Variants in SAMD13 observed in about 807,000 individuals in gnomAD.
SAMD13 encodes the protein sterile alpha motif domain containing 13, also known as sterile alpha motif domain-containing protein 13.
Under a neutral mutation model 12.4 loss-of-function variants are expected in SAMD13, and 9 were observed. That is an observed-to-expected ratio of 0.72 (90% confidence interval 0.44 to 1.26). The LOEUF (loss-of-function observed/expected upper bound fraction) is 1.26. SAMD13 is among the 50% of genes most tolerant of loss of function. The pLI, the probability that SAMD13 is intolerant of heterozygous loss-of-function variation, is 0.00. For synonymous variants in SAMD13, 46 were observed against 45.4 expected, an observed-to-expected ratio of 1.01 and a Z score of -0.05; for missense variants, 84 against 119.6, an observed-to-expected ratio of 0.70 and a Z score of 1.39.
intron 2 of SAMD13, among the ~76,000 whole-genome samples, chr1:84,320,875 T>C (rs1165698408): frequency 1.3e-5 from 2 of 152,196 alleles, no homozygotes; most frequent in East Asian, 3.8e-4. Context: ...AGTTGTGATA[T>C]TACATGTGGA....
chr1:84,318,667 C>G (rs1019380398), intron 2 of SAMD13, among the ~76,000 whole-genome samples: 4 of 152,032 alleles, frequency 2.6e-5, no homozygotes, highest in Admixed American at 6.6e-5. Flanking sequence ...TGAATGGTTT[C>G]TTGAATATTG....
At chr1:84,299,742 A>G, upstream of SAMD13, 1 of 559,676 alleles carries the variant, frequency 1.8e-6, no homozygotes, top group Non-Finnish European at 2.5e-6. Context: ...CTAGCTGGTA[A>G]GTGAAACCTG....
At chr1:84,307,359 C>T (rs575037669) in intron 2 of SAMD13, among the ~76,000 whole-genome samples, 1 of 152,298 alleles carries the variant, frequency 6.6e-6, no homozygotes, top group South Asian at 2.1e-4. Context: ...GACAATGTAG[C>T]TTTCATCTCT....
chr1:84,309,648 G>A (rs1291239897), intron 2 of SAMD13, among the ~76,000 whole-genome samples: 1 of 152,108 alleles, frequency 6.6e-6, no homozygotes, highest in Non-Finnish European at 1.5e-5. Flanking sequence ...TGAAATGGAA[G>A]AGTAAGTGAA....
intron 1 of SAMD13, chr1:84,302,537 C>CACAT: frequency 3.7e-6 from 1 of 271,746 alleles, no homozygotes; most frequent in Non-Finnish European, 5.1e-6. Context: ...CTCTTTCTTA[C>CACAT]ACATACACAC....
At position 84,350,439 on chromosome 1, in the gene SAMD13, AC is replaced by A. The variant is rs111484029; in HGVS notation, c.*666del. 609 of 152,502 alleles carry A rather than the reference AC, an allele frequency of 4.0e-3. 1 individual carries two copies. The highest frequency in any genetic ancestry group is 6.8e-3 in the Middle Eastern group (2 of 294). The allele number at this position is 152,502 out of a possible 1,614,324, so 9.4% of individuals were successfully genotyped here. ...ATTCAGCTAGCTTTCAAATGGGGTAACGATATTTTCTGCATAGATTTTCTTT... is the reference window on the plus strand; with the variant it reads ...ATTCAGCTAGCTTTCAAATGGGGTAAGATATTTTCTGCATAGATTTTCTTT... On this transcript the variant is annotated 3_prime_UTR_variant, in exon 4 of 4. Coordinates refer to ENST00000394834, the MANE Select transcript of SAMD13 (RefSeq NM_001134663.2).
At chr1:84,300,402 T>G (rs1678430561), upstream of SAMD13, among the ~76,000 whole-genome samples, 1 of 152,164 alleles carries the variant, frequency 6.6e-6, no homozygotes, top group South Asian at 2.1e-4. Flanking sequence ...AAGAACAAAT[T>G]TTTTGACCTT....
chr1:84,340,278 A>G (rs1679394425), intron 3 of SAMD13, among the ~76,000 whole-genome samples: 1 of 152,254 alleles, frequency 6.6e-6, no homozygotes, highest in African/African-American at 2.4e-5. Flanking sequence ...GATATGTGCT[A>G]CGACATGGAT....
At chr1:84,308,877 CA>C (rs1382572269) in intron 2 of SAMD13, among the ~76,000 whole-genome samples, 4 of 151,892 alleles carry the variant, frequency 2.6e-5, no homozygotes, top group Admixed American at 2.0e-4. Flanking sequence ...ATTTGGAGAC[CA>C]GGGGGAATTA....
intron 3 of SAMD13, among the ~76,000 whole-genome samples, chr1:84,329,925 C>T (rs1238890802): frequency 6.6e-6 from 1 of 152,158 alleles, no homozygotes; most frequent in Non-Finnish European, 1.5e-5. Flanking sequence ...GTACTGCACT[C>T]ATTCAGCTAG....
intron 3 of SAMD13, among the ~76,000 whole-genome samples, chr1:84,341,351 G>A (rs1467262856): frequency 1.3e-5 from 2 of 152,144 alleles, no homozygotes; most frequent in South Asian, 2.1e-4. Context: ...GGACAGCAGT[G>A]AAGGTTAAGA....
intron 2 of SAMD13, chr1:84,304,037 C>A (rs1047852604): frequency 6.6e-6 from 1 of 152,048 alleles, no homozygotes; most frequent in Non-Finnish European, 1.5e-5. Context: ...CTTTCCATAT[C>A]ATTTAGTTTA....
upstream of SAMD13, chr1:84,301,606 G>A (rs1457640431): frequency 1.0e-6 from 1 of 985,340 alleles, no homozygotes; most frequent in Admixed American, 6.1e-5. Flanking sequence ...CCATGAACCA[G>A]AAGGCAGTTG....
chr1:84,306,685 G>A (rs115735212), intron 2 of SAMD13, among the ~76,000 whole-genome samples: 2,890 of 143,388 alleles, frequency 0.02, 90 homozygotes, highest in African/African-American at 0.069. Context: ...AGAGAAATTA[G>A]CCAGGTGTGG....
intron 3 of SAMD13, among the ~76,000 whole-genome samples, chr1:84,344,086 T>C (rs1679482621): frequency 6.6e-6 from 1 of 151,748 alleles, no homozygotes; most frequent in Non-Finnish European, 1.5e-5. Context: ...GGCTTTTTTT[T>C]TTTTGTAATA....
At chr1:84,330,891 C>A (rs897547947) in intron 3 of SAMD13, among the ~76,000 whole-genome samples, 1 of 152,132 alleles carries the variant, frequency 6.6e-6, no homozygotes, top group Non-Finnish European at 1.5e-5. Context: ...ATAATCATGA[C>A]AAAATAATAT....
intron 3 of SAMD13, among the ~76,000 whole-genome samples, chr1:84,328,144 C>T (rs1160788942): frequency 2.0e-5 from 3 of 152,204 alleles, no homozygotes; most frequent in Non-Finnish European, 4.4e-5. Flanking sequence ...ACTGGGGGCA[C>T]ACGATGGTCT....
chr1:84,302,707 T>G, intron 1 of SAMD13: 3 of 985,140 alleles, frequency 3.0e-6, no homozygotes, highest in Non-Finnish European at 3.6e-6. Flanking sequence ...GAATACTTGC[T>G]GACAAAAGCT....
At chr1:84,311,381 A>T (rs1261765150) in intron 2 of SAMD13, among the ~76,000 whole-genome samples, 1 of 151,960 alleles carries the variant, frequency 6.6e-6, no homozygotes, top group Non-Finnish European at 1.5e-5. Flanking sequence ...AGAAAAAAAA[A>T]TTAATATTTG....
Sources: allele counts gnomAD v4.1 joint callset (sites outside exome capture counted in the v4.1 genomes callset), GRCh38; gene constraint gnomAD v4.1.1; transcripts MANE v1.5; gene names NCBI Gene and HGNC (gene_info 2026-07-23, HGNC 2026-07-21).